RAB28: variants seen among roughly 807,000 people sequenced by gnomAD.
RAB28 encodes the protein RAB28, member RAS oncogene family.
Under a neutral mutation model 31.7 loss-of-function variants are expected in RAB28, and 24 were observed. That is an observed-to-expected ratio of 0.76 (90% CI 0.55 to 1.06). RAB28 has a LOEUF of 1.06. Among genes scored for constraint, RAB28 ranks in the 50% least tolerant of loss-of-function variants. RAB28 has a pLI of 0.00. For synonymous variants in RAB28, 100 were observed against 90.4 expected, an observed-to-expected ratio of 1.11 and a Z score of -0.60; for missense variants, 254 against 258.5, an observed-to-expected ratio of 0.98 and a Z score of 0.12.
At chr4:13,435,222 A>G (rs984511530) in intron 4 of RAB28, among the ~76,000 whole-genome samples, 3 of 151,946 alleles carry the variant, frequency 2.0e-5, no homozygotes, top group Admixed American at 2.0e-4. Context: ...GGGATACAGC[A>G]AAAGTAGTGC....
At position 13,484,100 on chromosome 4, in the gene RAB28, C is replaced by A. The variant is rs529744548; in HGVS notation, c.51G>T (p.Val17=). 29 of 1,602,436 alleles carry A rather than the reference C, an allele frequency of 1.8e-5. No individual in the cohort carries two copies. The highest frequency in any genetic ancestry group is 3.3e-4 in the Middle Eastern group (2 of 6,046). The change falls in exon 1 of 7, where the codon GTG becomes GTT. Residue 17 remains valine (V), a synonymous_variant. Coordinates refer to ENST00000330852, the MANE Select transcript of RAB28 (RefSeq NM_001017979.3). The stretch of plus-strand genomic sequence containing the variant: ...CCTTCCCGGAGGCGCCGTCCCCCAG[C>A]ACGACGATTTTCAGTTGCCGGTCCT... ...ESQDRQLKIV[V]LGDGASGKTS...
At chr4:13,381,439 T>A (rs1729124223) in intron 5 of RAB28, 52 bp downstream of exon 5, 1 of 1,288,324 alleles carries the variant, frequency 7.8e-7, no homozygotes, top group Non-Finnish European at 1.1e-6. Context: ...TTCCTAGGAA[T>A]GTTAGTAAAT....
intron 6 of RAB28, chr4:13,370,037 T>C: frequency 6.5e-7 from 1 of 1,547,004 alleles, no homozygotes; most frequent in Non-Finnish European, 8.7e-7. Context: ...ATGGAAAGTA[T>C]GTTCAATGAC....
At chr4:13,389,267 G>A in intron 4 of RAB28, among the ~76,000 whole-genome samples, 1 of 152,228 alleles carries the variant, frequency 6.6e-6, no homozygotes, top group African/African-American at 2.4e-5. Flanking sequence ...CAAATTCAGA[G>A]ACAGAAAGTA....
chr4:13,417,051 A>G (rs139596076), intron 4 of RAB28, among the ~76,000 whole-genome samples: 1 of 152,234 alleles, frequency 6.6e-6, no homozygotes, highest in Non-Finnish European at 1.5e-5. Context: ...CGCTTTTCCA[A>G]TGGTCTTAGC....
intron 4 of RAB28, among the ~76,000 whole-genome samples, chr4:13,438,644 G>C (rs1430432516): frequency 6.6e-6 from 1 of 151,988 alleles, no homozygotes; most frequent in Non-Finnish European, 1.5e-5. Context: ...ATTACTTTTT[G>C]TTCCCGATTT....
At chr4:13,405,608 T>G (rs576318469) in intron 4 of RAB28, among the ~76,000 whole-genome samples, 1 of 152,258 alleles carries the variant, frequency 6.6e-6, no homozygotes, top group South Asian at 2.1e-4. Flanking sequence ...TCAGCATTTA[T>G]GAATAAAATT....
intron 4 of RAB28, among the ~76,000 whole-genome samples, chr4:13,424,394 T>A (rs1713352935): frequency 6.6e-6 from 1 of 152,188 alleles, no homozygotes; most frequent in Non-Finnish European, 1.5e-5. Context: ...TCTGCCTCCA[T>A]CTTCACATAA....
At chr4:13,392,167 C>A (rs1729662075) in intron 4 of RAB28, among the ~76,000 whole-genome samples, 1 of 152,136 alleles carries the variant, frequency 6.6e-6, no homozygotes, top group Admixed American at 6.5e-5. Flanking sequence ...AACACTAACT[C>A]TCTAAATTTA....
At chr4:13,479,371 G>T in intron 2 of RAB28, 59 bp downstream of exon 2, 2 of 1,259,352 alleles carry the variant, frequency 1.6e-6, no homozygotes, top group Non-Finnish European at 2.3e-6. Context: ...TCTTTCTTAT[G>T]CCACTTATTG....
intron 6 of RAB28, among the ~76,000 whole-genome samples, chr4:13,372,707 G>A (rs1030157267): frequency 2.6e-5 from 4 of 151,902 alleles, no homozygotes; most frequent in African/African-American, 7.2e-5. Context: ...GAAAATGATC[G>A]TAAAAAATTA....
chr4:13,383,363 T>C (rs1368118072), intron 4 of RAB28, among the ~76,000 whole-genome samples: 1 of 152,194 alleles, frequency 6.6e-6, no homozygotes, highest in Non-Finnish European at 1.5e-5. Flanking sequence ...TTGCTTTTTA[T>C]TTCTCTTTCT....
chr4:13,461,644 A>G (rs1304442327), intron 3 of RAB28, among the ~76,000 whole-genome samples: 1 of 152,176 alleles, frequency 6.6e-6, no homozygotes, highest in Non-Finnish European at 1.5e-5. Context: ...TGCCTCTTAT[A>G]TATCATATTC....
chr4:13,391,767 A>C (rs1298069326), intron 4 of RAB28, among the ~76,000 whole-genome samples: 1 of 152,180 alleles, frequency 6.6e-6, no homozygotes, highest in African/African-American at 2.4e-5. Flanking sequence ...GACACAGATG[A>C]AGCTGGAAAC....
At chr4:13,483,346 C>T (rs572214284) in intron 1 of RAB28, among the ~76,000 whole-genome samples, 1 of 152,276 alleles carries the variant, frequency 6.6e-6, no homozygotes, top group South Asian at 2.1e-4. Flanking sequence ...GCTCTACCCT[C>T]AGCATCCTAC....
chr4:13,371,131 A>G, intron 6 of RAB28: 1 of 985,338 alleles, frequency 1.0e-6, no homozygotes, highest in Non-Finnish European at 1.2e-6. Flanking sequence ...TCGAGAGTAA[A>G]TGAATAGGAT....
At chr4:13,381,182 G>A (rs1200608001) in intron 5 of RAB28, among the ~76,000 whole-genome samples, 2 of 152,080 alleles carry the variant, frequency 1.3e-5, no homozygotes, top group African/African-American at 2.4e-5. Context: ...ACAGGCAGCA[G>A]CACTAGTGTG....
chr4:13,484,113 A>G lies in RAB28; in HGVS notation c.38T>C (p.Leu13Pro), dbSNP rs775952858. The G allele has an allele frequency of 3.1e-6, 5 of 1,601,340 alleles. No homozygotes were observed. Among genetic ancestry groups the G allele is most frequent in the Non-Finnish European group, 3.4e-6 (4 of 1,174,354 alleles). ...GCCGTCCCCCAGCACGACGATTTTC[A>G]GTTGCCGGTCCTGGCTCTCCTCCTC... is the stretch of plus-strand genomic sequence containing the variant. Reference protein sequence around the residue: ...DSEEESQDRQLKIVVLGDGAS... With the variant: ...DSEEESQDRQPKIVVLGDGAS... Residue 13 changes from leucine to proline, a missense_variant, in exon 1 of 7, where the codon CTG becomes CCG. Transcript: ENST00000330852.
At chr4:13,387,145 C>A (rs1043821263) in intron 4 of RAB28, among the ~76,000 whole-genome samples, 1 of 152,124 alleles carries the variant, frequency 6.6e-6, no homozygotes, top group East Asian at 1.9e-4. Context: ...CTAATAGGTA[C>A]TAGGTGTAAT....
Sources: gnomAD v4.1 joint callset for allele counts (sites outside exome capture counted in the v4.1 genomes callset) on GRCh38, gnomAD v4.1.1 for gene constraint, MANE v1.5 for transcripts, NCBI Gene and HGNC (gene_info 2026-07-23, HGNC 2026-07-21) for gene names.